ST3GAL3: variants seen among roughly 807,000 people sequenced by gnomAD.
ST3GAL3 encodes the protein ST3 beta-galactoside alpha-2,3-sialyltransferase 3, also known as CMP-N-acetylneuraminate-beta-1,4-galactoside alpha-2,3-sialyltransferase.
A neutral mutation model predicts 50.1 loss-of-function variants in ST3GAL3; 21 were observed. The observed-to-expected ratio is 0.42, with a 90% CI of 0.30 to 0.60. The LOEUF (loss-of-function observed/expected upper bound fraction) is 0.60, where lower values mean the gene tolerates loss of function less well. Among genes scored for constraint, ST3GAL3 ranks in the 20% least tolerant of loss-of-function variants. The pLI is 0.19. For missense variants in ST3GAL3, 353 were observed against 489.4 expected (o/e 0.72, Z 2.63); for synonymous variants, 183 against 190.0 (o/e 0.96, Z 0.30).
chr1:43,736,515 A>G, intron 2 of ST3GAL3, 135 bp downstream of exon 2: 1 of 1,524,614 alleles, frequency 6.6e-7, no homozygotes, highest in Non-Finnish European at 9.0e-7. Context: ...ACTTTGGCCT[A>G]GAAATTGCCT....
chr1:43,815,192 G>A (rs560910482), intron 4 of ST3GAL3, among the ~76,000 whole-genome samples: 33 of 152,308 alleles, frequency 2.2e-4, no homozygotes, highest in Non-Finnish European at 4.4e-4. Flanking sequence ...ACTGCCAGGA[G>A]TTTGAAGGAC....
Position 43,736,288 on chromosome 1 carries a change from A to G in ST3GAL3, c.26A>G (p.Asn9Ser), listed in dbSNP as rs1441726807. The G allele has an allele frequency of 2.5e-6, 4 of 1,614,150 alleles. No homozygotes were observed. Among genetic ancestry groups the G allele is most frequent in the Admixed American group, 1.7e-5 (1 of 60,018 alleles). The change falls in exon 2 of 12, where the codon AAT becomes AGT. Residue 9 changes from asparagine to serine, a missense_variant. By Grantham distance (46) the Asn-to-Ser change is conservative. Coordinates refer to ENST00000347631, the MANE Select transcript of ST3GAL3 (RefSeq NM_006279.5). The part of the protein sequence containing the change: MGLLVFVR[N>S]LLLALCLFLV... ...ATGGGACTCTTGGTATTTGTGCGCA[A>G]TCTGCTGCTAGCCCTCTGCCTCTTT...
At chr1:43,754,347 C>A (rs1687265546) in intron 2 of ST3GAL3, among the ~76,000 whole-genome samples, 1 of 152,082 alleles carries the variant, frequency 6.6e-6, no homozygotes, top group Non-Finnish European at 1.5e-5. Flanking sequence ...CACCAAGCAC[C>A]CCATCCGGCT....
chr1:43,897,012 T>A (rs929388507), intron 6 of ST3GAL3, among the ~76,000 whole-genome samples: 3 of 149,748 alleles, frequency 2.0e-5, no homozygotes, highest in Non-Finnish European at 4.4e-5. Context: ...TTATCTATAT[T>A]GGTACATACA....
intron 3 of ST3GAL3, among the ~76,000 whole-genome samples, chr1:43,807,938 G>T (rs544284885): frequency 3.3e-5 from 5 of 152,244 alleles, no homozygotes; most frequent in African/African-American, 9.6e-5. Flanking sequence ...TGAACTCTAG[G>T]GGGTGTGGTT....
chr1:43,712,994 A>G (rs1199419532), intron 1 of ST3GAL3, among the ~76,000 whole-genome samples: 2 of 152,252 alleles, frequency 1.3e-5, no homozygotes, highest in Non-Finnish European at 2.9e-5. Context: ...GCCTTTCAGG[A>G]ACATCACTGT....
intron 5 of ST3GAL3, among the ~76,000 whole-genome samples, chr1:43,870,639 A>AGGGGGG (rs2072462559): frequency 6.0e-5 from 1 of 16,676 alleles, no homozygotes; most frequent in African/African-American, 2.6e-4. Context: ...GTGTCTCTGG[A>AGGGGGG]GGGTGGGGGT....
chr1:43,751,054 T>G (rs1296477699), intron 2 of ST3GAL3, among the ~76,000 whole-genome samples: 1 of 152,066 alleles, frequency 6.6e-6, no homozygotes, highest in Non-Finnish European at 1.5e-5. Flanking sequence ...AAACCAACAC[T>G]TAAATAGAAA....
intron 2 of ST3GAL3, among the ~76,000 whole-genome samples, chr1:43,754,045 A>G (rs745712961): frequency 7.9e-5 from 12 of 152,234 alleles, no homozygotes; most frequent in Non-Finnish European, 1.3e-4. Flanking sequence ...TTTATTTCTC[A>G]CTGTAAAAAG....
intron 5 of ST3GAL3, chr1:43,850,420 C>T: frequency 1.7e-6 from 1 of 578,848 alleles, no homozygotes; most frequent in East Asian, 4.5e-5. Flanking sequence ...TTCAGGGTGG[C>T]TCTGATGCCA....
At position 43,771,768 on chromosome 1, in the gene ST3GAL3, G is replaced by GTGTA. The variant is rs1290873875; in HGVS notation, c.119-20332_119-20329dup. On this transcript the variant is annotated intron_variant, in intron 2 of 11. Transcript: ENST00000347631. ...TGTGTGTGTGTGTGTGTGTGTGTGT[G>GTGTA]TGTATAGTATCTGCACTATCCAGAT... is the stretch of plus-strand genomic sequence containing the variant. 4 of 362,852 alleles carry GTGTA rather than the reference G, an allele frequency of 1.1e-5. No homozygotes were observed. The Admixed American group carries it at 1.9e-4, about 17-fold the overall frequency. 22.5% of individuals were successfully genotyped at this position (362,852 alleles called of 1,614,324 possible).
intron 2 of ST3GAL3, among the ~76,000 whole-genome samples, chr1:43,775,229 C>A (rs12725151): frequency 2.7e-5 from 4 of 150,748 alleles, no homozygotes; most frequent in Admixed American, 1.3e-4. Context: ...AGCTGGAAAT[C>A]TGAATTTTTT....
At chr1:43,711,193 C>A (rs1226117141) in intron 1 of ST3GAL3, among the ~76,000 whole-genome samples, 1 of 152,342 alleles carries the variant, frequency 6.6e-6, no homozygotes, top group Non-Finnish European at 1.5e-5. Context: ...CAAAACTTGA[C>A]TTCTCATTCA....
chr1:43,898,326 C>T lies in ST3GAL3; in HGVS notation c.461+28C>T, dbSNP rs1445495072. Reference sequence around the variant, plus strand: ...GAGCCACACACTGTGCAGCCTCCTACCCACCGCTGCCTGGTGGTGTGCAGA... The same window carrying T: ...GAGCCACACACTGTGCAGCCTCCTATCCACCGCTGCCTGGTGGTGTGCAGA... On this transcript the variant is annotated intron_variant, in intron 7 of 11. Transcript: ENST00000347631. 4.3e-6 allele frequency: 7 copies of T among 1,610,868 alleles called. No individual in the cohort carries two copies. The South Asian group carries it at 4.4e-5, about 10-fold the overall frequency.
chr1:43,891,389 G>A (rs765188467), intron 5 of ST3GAL3, among the ~76,000 whole-genome samples: 4 of 152,184 alleles, frequency 2.6e-5, no homozygotes, highest in Non-Finnish European at 4.4e-5. Flanking sequence ...GACCAACATA[G>A]TGAAACCTCA....
chr1:43,809,859 G>A (rs1178653811), intron 3 of ST3GAL3, among the ~76,000 whole-genome samples: 1 of 151,970 alleles, frequency 6.6e-6, no homozygotes, highest in Non-Finnish European at 1.5e-5. Flanking sequence ...CAGGCGTGGT[G>A]TTGCATGCTT....
At chr1:43,721,083 CA>C (rs778993411) in intron 1 of ST3GAL3, among the ~76,000 whole-genome samples, 2 of 151,662 alleles carry the variant, frequency 1.3e-5, no homozygotes, top group Non-Finnish European at 2.9e-5. Flanking sequence ...CTTGTCTCTA[CA>C]AAAGTAAAAA....
At chr1:43,802,019 CA>C (rs2059380061) in intron 3 of ST3GAL3, among the ~76,000 whole-genome samples, 2 of 149,640 alleles carry the variant, frequency 1.3e-5, no homozygotes, top group South Asian at 2.1e-4. Flanking sequence ...AACAAACAAA[CA>C]AACCAAAAAG....
At chr1:43,728,780 A>G (rs749954853) in intron 1 of ST3GAL3, among the ~76,000 whole-genome samples, 25 of 152,184 alleles carry the variant, frequency 1.6e-4, no homozygotes, top group Non-Finnish European at 3.2e-4. Context: ...ACAAATGTAC[A>G]CACACTATCC....
Sources: gnomAD v4.1 joint callset for allele counts (sites outside exome capture counted in the v4.1 genomes callset) on GRCh38, gnomAD v4.1.1 for gene constraint, MANE v1.5 for transcripts, NCBI Gene and HGNC (gene_info 2026-07-23, HGNC 2026-07-21) for gene names.